OTUD7B: variants seen among roughly 807,000 people sequenced by gnomAD.
OTUD7B encodes the protein OTU domain-containing protein 7B.
Under a neutral mutation model 82.2 loss-of-function variants are expected in OTUD7B, and 34 were observed. The ratio of observed to expected loss-of-function variants is 0.41; its 90% CI spans 0.31 to 0.55. The LOEUF is 0.55. OTUD7B is among the 20% of genes least tolerant of loss of function. The pLI is 0.20. For synonymous variants in OTUD7B, 398 were observed against 402.7 expected (o/e 0.99, Z 0.14); for missense variants, 944 against 1,062.1 (o/e 0.89, Z 1.55).
In OTUD7B at chr1:149,944,036, G is replaced by A. The variant is rs1370345159; in HGVS notation, c.2353C>T (p.Pro785Ser). 1.9e-6 allele frequency: 3 copies of A among 1,614,082 alleles called. No homozygotes were observed. Among genetic ancestry groups the A allele is most frequent in the Non-Finnish European group, 2.5e-6 (3 of 1,180,042 alleles). The change falls in exon 12 of 12, where the codon CCA becomes TCA. Residue 785 changes from proline to serine, a missense_variant. Physicochemically the swap from Pro to Ser is moderately conservative, Grantham distance 74. Transcript: ENST00000581312. ...YSNGYREPPE[P>S]DGWAGGLRGL... is the part of the protein sequence containing the mutation. ...CGGAGACCTCCAGCCCATCCATCTGGCTCAGGGGGCTCTCTGTAGCCATTG... is the reference window on the plus strand; with the variant it reads ...CGGAGACCTCCAGCCCATCCATCTGACTCAGGGGGCTCTCTGTAGCCATTG...
At chr1:149,953,552 G>T (rs1170744812) in intron 7 of OTUD7B, among the ~76,000 whole-genome samples, 20 of 151,952 alleles carry the variant, frequency 1.3e-4, no homozygotes, top group Non-Finnish European at 2.2e-4. Context: ...GTTCCATATG[G>T]ACTTTAAAGT....
chr1:150,062,802 C>T, the OTUD7B span, among the ~76,000 whole-genome samples: 1 of 148,352 alleles, frequency 6.7e-6, no homozygotes, highest in Non-Finnish European at 1.5e-5. Flanking sequence ...GCAACCTCCA[C>T]CTCCCGGGTT....
At chr1:150,013,867 A>AGACGAGATCGCGCCACTGCACTCC (rs1653174994), upstream of OTUD7B, among the ~76,000 whole-genome samples, 1 of 144,706 alleles carries the variant, frequency 6.9e-6, no homozygotes, top group African/African-American at 2.6e-5. Context: ...GCTTGCAGTG[A>AGACGAGATCGCGCCACTGCACTCC]GACGAGATCG....
At chr1:149,970,320 A>G (rs1553777370) in intron 3 of OTUD7B, among the ~76,000 whole-genome samples, 1 of 73,622 alleles carries the variant, frequency 1.4e-5, no homozygotes, top group Non-Finnish European at 2.3e-5. Context: ...TTATTCATTT[A>G]TTTATTTTTT....
At chr1:149,950,335 G>A in intron 7 of OTUD7B, 114 bp from the exon 8 acceptor site, 1 of 1,065,684 alleles carries the variant, frequency 9.4e-7, no homozygotes, top group African/African-American at 1.6e-5. Flanking sequence ...GTCCTTTCCT[G>A]GTTTTCCAAT....
At chr1:149,971,347 G>A (rs148117154) in intron 2 of OTUD7B, 96 bp from the exon 3 acceptor site, 8 of 694,434 alleles carry the variant, frequency 1.2e-5, no homozygotes, top group South Asian at 2.5e-5. Flanking sequence ...ATGCAAATAC[G>A]CATGCACATA....
chr1:149,949,482 ACT>A (rs782548675), intron 9 of OTUD7B, 145 bp downstream of exon 9: 8 of 811,826 alleles, frequency 9.9e-6, no homozygotes, highest in Non-Finnish European at 1.5e-5. Flanking sequence ...TAATTTGAAA[ACT>A]CTGGCGTAAC....
At chr1:149,990,031 A>G (rs1553781647) in intron 1 of OTUD7B, among the ~76,000 whole-genome samples, 1 of 152,222 alleles carries the variant, frequency 6.6e-6, no homozygotes, top group East Asian at 1.9e-4. Context: ...TCTGACTATC[A>G]GTCATTCATT....
the OTUD7B span, among the ~76,000 whole-genome samples, chr1:150,057,387 G>C: frequency 5.3e-5 from 8 of 152,162 alleles, no homozygotes; most frequent in Non-Finnish European, 1.5e-5. Flanking sequence ...AAAATAAGAA[G>C]TTGAAAAAGT....
the OTUD7B span, among the ~76,000 whole-genome samples, chr1:150,052,041 A>T: frequency 6.6e-6 from 1 of 152,206 alleles, no homozygotes; most frequent in Admixed American, 6.5e-5. Context: ...TGAGTCATCT[A>T]TGACAAACCC....
chr1:149,965,763 C>T lies in OTUD7B; in HGVS notation c.604+14G>A. On this transcript the variant is annotated intron_variant, in intron 5 of 11. Coordinates refer to ENST00000581312, the MANE Select transcript of OTUD7B (RefSeq NM_020205.4). ...CTTTCTGCAGGTGAATGGAGGACTGCTTTCAAGACTCACCAAGGGAGGCTG... is the reference window on the plus strand; with the variant it reads ...CTTTCTGCAGGTGAATGGAGGACTGTTTTCAAGACTCACCAAGGGAGGCTG... The T allele has an allele frequency of 1.9e-6, 3 of 1,593,352 alleles. No individual in the cohort carries two copies. The South Asian group carries it at 3.3e-5, about 18-fold the overall frequency.
At position 149,971,126 on chromosome 1, in the gene OTUD7B, A is replaced by G; in HGVS notation, c.211T>C (p.Ser71Pro). Residue 71 changes from serine (S) to proline (P), a missense_variant, in exon 3 of 12, where the codon TCT (serine) becomes CCT (proline). Coordinates refer to ENST00000581312, the MANE Select transcript of OTUD7B (RefSeq NM_020205.4). Reference sequence around the variant, plus strand: ...GGAGGGCGAGTAGGCTCTCTGTCAGAAAACCCTTTTTCAGGGGTCCTGGAG... The same window carrying G: ...GGAGGGCGAGTAGGCTCTCTGTCAGGAAACCCTTTTTCAGGGGTCCTGGAG... Reference protein sequence around the residue: ...GGSRTPEKGFSDREPTRPPRP... With the variant: ...GGSRTPEKGFPDREPTRPPRP... The G allele has an allele frequency of 1.2e-6, 2 of 1,613,550 alleles. No individual in the cohort carries two copies. The highest frequency in any genetic ancestry group is 2.7e-5 in the African/African-American group (2 of 74,996).
intron 11 of OTUD7B, among the ~76,000 whole-genome samples, chr1:149,946,286 C>A (rs587774974): frequency 6.6e-6 from 1 of 151,860 alleles, no homozygotes; most frequent in African/African-American, 2.4e-5. Context: ...TCGCTTGAAC[C>A]CAAGAGGTGG....
At chr1:150,046,719 G>A in the OTUD7B span, among the ~76,000 whole-genome samples, 1 of 150,832 alleles carries the variant, frequency 6.6e-6, no homozygotes, top group Admixed American at 6.6e-5. Flanking sequence ...AAAGTGCTGG[G>A]ATTATAGGCG....
intron 1 of OTUD7B, among the ~76,000 whole-genome samples, chr1:149,988,272 T>C (rs1342881951): frequency 1.3e-5 from 2 of 152,202 alleles, no homozygotes; most frequent in East Asian, 3.8e-4. Flanking sequence ...TATGCTATTG[T>C]GGATACACAA....
intron 1 of OTUD7B, among the ~76,000 whole-genome samples, chr1:149,980,236 T>C (rs188344297): frequency 3.3e-5 from 5 of 150,622 alleles, no homozygotes; most frequent in Admixed American, 1.3e-4. Flanking sequence ...CCTTGCTCTT[T>C]AGCAAAAATT....
At chr1:150,025,238 A>G in the OTUD7B span, among the ~76,000 whole-genome samples, 1 of 152,108 alleles carries the variant, frequency 6.6e-6, no homozygotes, top group East Asian at 1.9e-4. Flanking sequence ...CCTAACCAAC[A>G]TGGAGAAACC....
chr1:150,064,324 C>CCTTTCTTTCTTTCT, the OTUD7B span, among the ~76,000 whole-genome samples: 1 of 151,916 alleles, frequency 6.6e-6, no homozygotes, highest in Non-Finnish European at 1.5e-5. Context: ...CACAAGTAAT[C>CCTTTCTTTCTTTCT]CTTTCTTTCT....
the OTUD7B span, among the ~76,000 whole-genome samples, chr1:150,044,573 G>T: frequency 6.6e-6 from 1 of 151,610 alleles, no homozygotes; most frequent in East Asian, 2.0e-4. Context: ...GGGAGGCTGA[G>T]GTAGGAGAAT....
Sources: allele counts gnomAD v4.1 joint callset (sites outside exome capture counted in the v4.1 genomes callset), GRCh38; gene constraint gnomAD v4.1.1; transcripts MANE v1.5; gene names NCBI Gene and HGNC (gene_info 2026-07-23, HGNC 2026-07-21).